KCNN2: variants seen among roughly 807,000 people sequenced by gnomAD.
KCNN2 encodes the protein potassium calcium-activated channel subfamily N member 2.
KCNN2 carries 24 observed loss-of-function variants against 55.5 expected under a neutral mutation model. The ratio of observed to expected loss-of-function variants is 0.43; its 90% CI spans 0.31 to 0.61. The LOEUF is 0.61. KCNN2 is among the 20% of genes least tolerant of loss of function. The pLI, the probability that KCNN2 is intolerant of heterozygous loss-of-function variation, is 0.08. For synonymous variants in KCNN2, 431 were observed against 336.1 expected (o/e 1.28, Z -3.09); for missense variants, 754 against 853.6 (o/e 0.88, Z 1.45).
intron 1 of KCNN2, among the ~76,000 whole-genome samples, chr5:114,063,257 C>T (rs1750369432): frequency 6.6e-6 from 1 of 152,226 alleles, no homozygotes; most frequent in African/African-American, 2.4e-5. Flanking sequence ...TATGTGTCTG[C>T]AGCTGAGGCT....
intron 1 of KCNN2, among the ~76,000 whole-genome samples, chr5:114,186,691 G>T (rs1156366034): frequency 6.6e-6 from 1 of 152,020 alleles, no homozygotes; most frequent in Non-Finnish European, 1.5e-5. Flanking sequence ...CCATTTATTT[G>T]GAAATTATAC....
intron 2 of KCNN2, among the ~76,000 whole-genome samples, chr5:114,271,898 A>T (rs1421751716): frequency 1.3e-5 from 2 of 152,150 alleles, no homozygotes. Flanking sequence ...GATGGTTATC[A>T]TACTAAGGTC....
chr5:114,083,607 C>T (rs1390942630), intron 1 of KCNN2, among the ~76,000 whole-genome samples: 1 of 152,038 alleles, frequency 6.6e-6, no homozygotes, highest in African/African-American at 2.4e-5. Context: ...TACCTCGTCT[C>T]TCTCTTATTT....
intron 1 of KCNN2, among the ~76,000 whole-genome samples, chr5:114,146,428 A>G (rs1406806623): frequency 6.6e-6 from 1 of 152,190 alleles, no homozygotes. Context: ...CTTTACTGCA[A>G]TAGGCTGGAC....
chr5:114,343,200 C>A (rs1284171952), intron 2 of KCNN2, among the ~76,000 whole-genome samples: 2 of 152,150 alleles, frequency 1.3e-5, no homozygotes, highest in Non-Finnish European at 2.9e-5. Context: ...AGTCTGAAGG[C>A]TTGCTAATGA....
chr5:114,344,209 G>C (rs1024678895), intron 2 of KCNN2, among the ~76,000 whole-genome samples: 2 of 152,120 alleles, frequency 1.3e-5, no homozygotes, highest in Non-Finnish European at 2.9e-5. Context: ...TTACTACAAA[G>C]TAAGGAGCCC....
At chr5:114,397,580 T>C (rs1232872557) in intron 2 of KCNN2, among the ~76,000 whole-genome samples, 3 of 152,106 alleles carry the variant, frequency 2.0e-5, no homozygotes, top group Non-Finnish European at 4.4e-5. Flanking sequence ...AGAGATGGGG[T>C]TTCACCATAT....
At chr5:114,347,225 ATAAT>A (rs1188266868) in intron 2 of KCNN2, among the ~76,000 whole-genome samples, 3 of 152,198 alleles carry the variant, frequency 2.0e-5, no homozygotes, top group African/African-American at 7.2e-5. Flanking sequence ...TGAAATTATG[ATAAT>A]TAATGCTATG....
At chr5:114,172,691 G>A (rs934668306) in intron 1 of KCNN2, among the ~76,000 whole-genome samples, 8 of 150,738 alleles carry the variant, frequency 5.3e-5, no homozygotes, top group African/African-American at 1.9e-4. Context: ...CTGATGATCA[G>A]TGATGCTGAG....
chr5:114,458,993 A>G (rs1580866575), intron 3 of KCNN2, among the ~76,000 whole-genome samples: 2 of 152,254 alleles, frequency 1.3e-5, no homozygotes, highest in East Asian at 3.8e-4. Flanking sequence ...CTCTTGGGGA[A>G]GAAGGCACTG....
At chr5:114,161,429 T>G (rs1752779131) in intron 1 of KCNN2, among the ~76,000 whole-genome samples, 1 of 143,416 alleles carries the variant, frequency 7.0e-6, no homozygotes, top group Non-Finnish European at 1.5e-5. Context: ...CTGGCTGTCC[T>G]TAACATTTTT....
At chr5:114,164,070 C>G (rs1752856105) in intron 1 of KCNN2, among the ~76,000 whole-genome samples, 1 of 151,936 alleles carries the variant, frequency 6.6e-6, no homozygotes, top group South Asian at 2.1e-4. Context: ...TTGGTAATTT[C>G]CAATGAATTG....
chr5:114,465,442 C>T (rs988793787), intron 4 of KCNN2, among the ~76,000 whole-genome samples: 3 of 151,974 alleles, frequency 2.0e-5, no homozygotes, highest in African/African-American at 4.8e-5. Flanking sequence ...GAGAAACCCC[C>T]TCTCTACTAA....
At chr5:114,269,814 A>G (rs1755287628) in intron 2 of KCNN2, among the ~76,000 whole-genome samples, 1 of 152,210 alleles carries the variant, frequency 6.6e-6, no homozygotes, top group African/African-American at 2.4e-5. Context: ...CAGTGAAAAT[A>G]GTAGTTCTAA....
intron 5 of KCNN2, among the ~76,000 whole-genome samples, chr5:114,479,049 T>C (rs1401202826): frequency 6.7e-6 from 1 of 149,888 alleles, no homozygotes; most frequent in East Asian, 2.3e-4. Flanking sequence ...CACAGAGCAA[T>C]AGTAACCTTA....
intron 3 of KCNN2, among the ~76,000 whole-genome samples, chr5:114,451,549 A>T (rs1176181707): frequency 6.6e-6 from 1 of 152,184 alleles, no homozygotes; most frequent in South Asian, 2.1e-4. Context: ...AAAGAAAATC[A>T]AGGTGAAAAT....
intron 1 of KCNN2, among the ~76,000 whole-genome samples, chr5:114,181,565 A>T (rs1753241206): frequency 1.3e-5 from 2 of 152,090 alleles, no homozygotes; most frequent in African/African-American, 2.4e-5. Context: ...TATATTTTTT[A>T]GTCAAAGTTT....
chr5:114,358,819 G>GA (rs1023239699), upstream of KCNN2, among the ~76,000 whole-genome samples: 8 of 151,584 alleles, frequency 5.3e-5, no homozygotes, highest in African/African-American at 1.2e-4. Context: ...GTCCTGTGTA[G>GA]AAAAAAAAGA....
intron 3 of KCNN2, among the ~76,000 whole-genome samples, chr5:114,426,368 T>C (rs1364000099): frequency 6.6e-6 from 1 of 152,212 alleles, no homozygotes; most frequent in African/African-American, 2.4e-5. Flanking sequence ...ATAATTCTTT[T>C]TACCTGTATG....
Sources: allele counts gnomAD v4.1 joint callset (sites outside exome capture counted in the v4.1 genomes callset), GRCh38; gene constraint gnomAD v4.1.1; transcripts MANE v1.5; gene names NCBI Gene and HGNC (gene_info 2026-07-23, HGNC 2026-07-21).